Variants in PDZD2 observed in about 807,000 individuals in gnomAD.
PDZD2 encodes the protein PDZ domain-containing protein 2.
In PDZD2, 90 loss-of-function variants were observed where a neutral mutation model predicts 220.7. The ratio of observed to expected loss-of-function variants is 0.41; its 90% CI spans 0.34 to 0.49. The LOEUF (loss-of-function observed/expected upper bound fraction) is 0.49, where lower values mean the gene tolerates loss of function less well. Among genes scored for constraint, PDZD2 ranks in the 20% least tolerant of loss-of-function variants. PDZD2 has a pLI of 0.28. For synonymous variants in PDZD2, 1,375 were observed against 1,450.5 expected, an observed-to-expected ratio of 0.95 and a Z score of 1.18; for missense variants, 3,174 against 3,608.5, an observed-to-expected ratio of 0.88 and a Z score of 3.08.
At chr5:31,708,714 G>C (rs2150137575) in intron 1 of PDZD2, among the ~76,000 whole-genome samples, 2 of 152,304 alleles carry the variant, frequency 1.3e-5, no homozygotes, top group Middle Eastern at 6.8e-3. Flanking sequence ...ACGATGGTCT[G>C]AGACTAGACT....
chr5:31,791,103 G>A (rs771251916), intron 1 of PDZD2, among the ~76,000 whole-genome samples: 34 of 152,068 alleles, frequency 2.2e-4, no homozygotes, highest in Admixed American at 2.2e-3. Context: ...TACAAACTCC[G>A]GCTAGTAGGA....
rs578262266 is a variant in PDZD2 at position 31,853,352 on chromosome 5, G to A, written c.476+53628G>A. Among the ~76,000 whole-genome samples the A allele has an allele frequency of 1.2e-4, 18 of 152,312 alleles. No individual in the cohort carries two copies. In the South Asian group the frequency reaches 3.7e-3, roughly 32 times the overall value. On this transcript the variant is annotated intron_variant, in intron 2 of 24. Transcript: ENST00000438447. ...ACTCCATGAGGTATTGTTGGTTGCA[G>A]TACCCAAAACTTCTTGAAATAAATC...
intron 2 of PDZD2, among the ~76,000 whole-genome samples, chr5:31,830,035 G>T (rs557397468): frequency 6.6e-6 from 1 of 152,000 alleles, no homozygotes; most frequent in African/African-American, 2.4e-5. Context: ...GTGACAGAGC[G>T]AGACTCCATC....
At chr5:31,757,593 A>G (rs1751372091) in intron 1 of PDZD2, among the ~76,000 whole-genome samples, 1 of 147,772 alleles carries the variant, frequency 6.8e-6, no homozygotes, top group Non-Finnish European at 1.5e-5. Context: ...CTCTGCCTCA[A>G]AAAAAAAAAA....
intron 1 of PDZD2, among the ~76,000 whole-genome samples, chr5:31,728,448 A>C (rs1257881999): frequency 6.6e-6 from 1 of 152,180 alleles, no homozygotes; most frequent in African/African-American, 2.4e-5. Context: ...TTTAAGCTGA[A>C]TGTAAAACCC....
intron 1 of PDZD2, among the ~76,000 whole-genome samples, chr5:31,697,976 C>T (rs575654647): frequency 1.3e-5 from 2 of 151,810 alleles, no homozygotes; most frequent in Admixed American, 1.3e-4. Flanking sequence ...GATCTTGGCT[C>T]GCTGCAACCT....
chr5:31,776,688 G>A (rs1054868112), intron 1 of PDZD2, among the ~76,000 whole-genome samples: 21 of 150,436 alleles, frequency 1.4e-4, no homozygotes, highest in Admixed American at 1.0e-3. Context: ...TTGCTCTGTC[G>A]CCCAGGCTGG....
chr5:31,764,123 C>G (rs1189823817), intron 1 of PDZD2, among the ~76,000 whole-genome samples: 1 of 152,152 alleles, frequency 6.6e-6, no homozygotes, highest in Non-Finnish European at 1.5e-5. Context: ...GAACCTGAAA[C>G]TTTTTACACG....
chr5:31,770,423 G>T (rs1178660009), intron 1 of PDZD2, among the ~76,000 whole-genome samples: 1 of 152,210 alleles, frequency 6.6e-6, no homozygotes, highest in Non-Finnish European at 1.5e-5. Context: ...TGGATTGGAA[G>T]AGAGTATTTG....
chr5:31,655,159 T>C (rs1484795300), intron 1 of PDZD2, among the ~76,000 whole-genome samples: 1 of 152,078 alleles, frequency 6.6e-6, no homozygotes, highest in East Asian at 1.9e-4. Flanking sequence ...TTGCACATTA[T>C]CAGATTTTTG....
chr5:31,644,394 C>G (rs1354887869), intron 1 of PDZD2, among the ~76,000 whole-genome samples: 1 of 152,158 alleles, frequency 6.6e-6, no homozygotes, highest in Non-Finnish European at 1.5e-5. Flanking sequence ...CTGATTCAGT[C>G]TGATTGTCTG....
intron 2 of PDZD2, among the ~76,000 whole-genome samples, chr5:31,965,167 A>C (rs1257048299): frequency 6.6e-6 from 1 of 152,226 alleles, no homozygotes; most frequent in Admixed American, 6.5e-5. Context: ...AGAGAGTTTA[A>C]TAAGCAAGAA....
At chr5:31,949,051 T>C (rs1025377749) in intron 2 of PDZD2, among the ~76,000 whole-genome samples, 1 of 131,524 alleles carries the variant, frequency 7.6e-6, no homozygotes, top group Non-Finnish European at 1.5e-5. Context: ...TGAGCTGAGA[T>C]GGAGCCACTG....
rs1428834204 is a variant in PDZD2 at position 31,744,845 on chromosome 5, C to T, written c.-360-54044C>T. ...TAGCACTTTGGGAAGCTGAGGCGGG[C>T]GGATCTTGAGGTCAGGAGATTGAGA... On this transcript the variant is annotated intron_variant, in intron 1 of 24. Coordinates refer to ENST00000438447, the MANE Select transcript of PDZD2 (RefSeq NM_178140.4). Among the ~76,000 whole-genome samples the T allele has an allele frequency of 7.9e-5, 12 of 151,884 alleles. No individual in the cohort carries two copies. The East Asian group carries it at 1.9e-3, about 25-fold the overall frequency.
At chr5:31,833,216 C>A (rs981580303) in intron 2 of PDZD2, among the ~76,000 whole-genome samples, 29 of 152,116 alleles carry the variant, frequency 1.9e-4, no homozygotes, top group Admixed American at 1.8e-3. Flanking sequence ...TGCCTGTAAT[C>A]CCGGTGCTTT....
intron 1 of PDZD2, among the ~76,000 whole-genome samples, chr5:31,736,743 A>G (rs77230135): frequency 0.021 from 3,266 of 152,246 alleles, 52 homozygotes; most frequent in Middle Eastern, 0.088. Flanking sequence ...CAAATCCCCA[A>G]TGTTGGAGGT....
In PDZD2 at chr5:31,947,678, G is replaced by A. The variant is rs556808099; in HGVS notation, c.477-35477G>A. Among the ~76,000 whole-genome samples, 9 of 152,280 alleles carry A rather than the reference G, an allele frequency of 5.9e-5. No individual in the cohort carries two copies. In the South Asian group the frequency reaches 1.5e-3, roughly 25 times the overall value. ...TTAAAAATGCAAAAATTAGCTGGGC[G>A]TGGTGGCACAAGCCTGTGGTCCCAG... On this transcript the variant is annotated intron_variant, in intron 2 of 24. Coordinates refer to ENST00000438447, the MANE Select transcript of PDZD2 (RefSeq NM_178140.4).
intron 2 of PDZD2, among the ~76,000 whole-genome samples, chr5:31,969,119 T>C (rs1471585844): frequency 6.6e-6 from 1 of 151,868 alleles, no homozygotes; most frequent in Non-Finnish European, 1.5e-5. Flanking sequence ...GGGGAAGGGA[T>C]GTGTGAGATG....
chr5:32,101,010 A>G, intron 23 of PDZD2, 95 bp from the exon 24 acceptor site: 3 of 1,590,966 alleles, frequency 1.9e-6, no homozygotes, highest in South Asian at 2.2e-5. Context: ...TGCCAGAAGT[A>G]CATGGGGCTG....
Sources: gnomAD v4.1 joint callset for allele counts (sites outside exome capture counted in the v4.1 genomes callset) on GRCh38, gnomAD v4.1.1 for gene constraint, MANE v1.5 for transcripts, NCBI Gene and HGNC (gene_info 2026-07-23, HGNC 2026-07-21) for gene names.